ACKR2: variants seen among roughly 807,000 people sequenced by gnomAD.
The protein encoded by ACKR2 is atypical chemokine receptor 2, also known as C-C chemokine receptor D6.
For synonymous variants in ACKR2, 207 were observed against 192.2 expected (o/e 1.08, Z -0.64); for missense variants, 457 against 477.3 (o/e 0.96, Z 0.40).
Position 42,865,706 on chromosome 3 carries a change from G to A in ACKR2, c.*49G>A, listed in dbSNP as rs1559695312. The A allele has an allele frequency of 3.4e-6, 5 of 1,473,590 alleles. No homozygotes were observed. Among genetic ancestry groups the A allele is most frequent in the African/African-American group, 1.4e-5 (1 of 71,680 alleles). The allele number at this position is 1,473,590 out of a possible 1,614,324, so 91.3% of individuals were successfully genotyped here. A position where few individuals can be genotyped will look rare whatever the true frequency, so the allele number is the denominator to read the frequency against. The stretch of plus-strand genomic sequence containing the variant: ...GAACAGATGGGAACCAGCTCAATTG[G>A]GTGTCCACTCAAAGTGCTCTCTCCA... On this transcript the variant is annotated 3_prime_UTR_variant, in exon 3 of 3. Transcript: ENST00000422265.
At chr3:42,818,814 G>A (rs527342731) in intron 1 of ACKR2, among the ~76,000 whole-genome samples, 3 of 152,196 alleles carry the variant, frequency 2.0e-5, no homozygotes, top group Admixed American at 6.5e-5. Flanking sequence ...TGCCCGGCTC[G>A]GCCTCCTAAA....
At chr3:42,845,859 A>G (rs563513371) in intron 2 of ACKR2, among the ~76,000 whole-genome samples, 1 of 151,548 alleles carries the variant, frequency 6.6e-6, no homozygotes, top group Non-Finnish European at 1.5e-5. Context: ...AAAAAAAAAA[A>G]AAAAAAGAAA....
rs772013246 is a variant in ACKR2 at position 42,864,720 on chromosome 3, G to T, written c.218G>T (p.Arg73Leu). The T allele has an allele frequency of 1.2e-6, 2 of 1,614,062 alleles. No homozygotes were observed. The highest frequency in any genetic ancestry group is 1.7e-6 in the Non-Finnish European group (2 of 1,180,054). ...CTCCTTCTTCTCATGGTCTTGCTCC[G>T]TTACGTGCCTCGCAGGCGGATGGTT... is the stretch of plus-strand genomic sequence containing the variant. The part of the protein sequence containing the change: ...GNLLLLMVLL[R>L]YVPRRRMVEI... The change falls in exon 3 of 3, where the codon CGT becomes CTT. Residue 73 changes from arginine (R) to leucine (L), a missense_variant. Physicochemically the swap from Arg to Leu is moderately radical, Grantham distance 102. Transcript: ENST00000422265.
intron 1 of ACKR2, among the ~76,000 whole-genome samples, chr3:42,816,053 A>G (rs544673865): frequency 8.5e-5 from 13 of 152,316 alleles, no homozygotes; most frequent in African/African-American, 2.9e-4. Flanking sequence ...GGGGAGTGTT[A>G]AATGATATAT....
intron 2 of ACKR2, among the ~76,000 whole-genome samples, chr3:42,849,802 G>T (rs149582044): frequency 4.7e-4 from 71 of 152,226 alleles, no homozygotes; most frequent in African/African-American, 1.7e-3. Context: ...ATTCAGTTTG[G>T]TTACAGTTCA....
At chr3:42,848,315 T>C (rs1233160553) in intron 2 of ACKR2, among the ~76,000 whole-genome samples, 1 of 144,602 alleles carries the variant, frequency 6.9e-6, no homozygotes, top group East Asian at 2.2e-4. Flanking sequence ...CTTCCCGGGC[T>C]CAAACAATCC....
At chr3:42,850,292 G>A (rs540535549) in intron 2 of ACKR2, among the ~76,000 whole-genome samples, 3 of 152,112 alleles carry the variant, frequency 2.0e-5, no homozygotes, top group Non-Finnish European at 4.4e-5. Context: ...AAAGGCAAAT[G>A]TCTAAGTCCA....
At chr3:42,838,385 TATGTGAAAA>T (rs1382820582) in intron 2 of ACKR2, among the ~76,000 whole-genome samples, 1 of 152,026 alleles carries the variant, frequency 6.6e-6, no homozygotes, top group Non-Finnish European at 1.5e-5. Context: ...ATGGGCAAAA[TATGTGAAAA>T]AACACTTTCA....
rs966481676 is a variant in ACKR2, at chr3:42,864,453, T to A, written c.-37-13T>A. 1 of 1,537,446 alleles carries A rather than the reference T, an allele frequency of 6.5e-7. No homozygotes were observed. On this transcript the variant is annotated splice_polypyrimidine_tract_variant and intron_variant, in intron 2 of 2. Transcript: ENST00000422265. The stretch of plus-strand genomic sequence containing the variant: ...TAGAGAATGCTAGGTCTCACCATAT[T>A]TTCCCCCCGCAGCACTACAGGACGT...
At chr3:42,845,874 A>T (rs900380331) in intron 2 of ACKR2, among the ~76,000 whole-genome samples, 1 of 151,296 alleles carries the variant, frequency 6.6e-6, no homozygotes, top group Non-Finnish European at 1.5e-5. Context: ...AAGAAAAAAG[A>T]AAAAAAGAAA....
rs1382752069 is a variant in ACKR2, at chr3:42,866,035, G to GGC, written c.*380_*381dup. On this transcript the variant is annotated 3_prime_UTR_variant, in exon 3 of 3. Coordinates refer to ENST00000422265, the MANE Select transcript of ACKR2 (RefSeq NM_001296.5). The stretch of plus-strand genomic sequence containing the variant: ...TCTGTCACCCAGGCTGGAATGCAGT[G>GGC]GCGAGATCTCCGCTCACTGTAGCCT... 5.3e-6 allele frequency: 1 copy of GGC among 188,954 alleles called. No individual in the cohort carries two copies. The highest frequency in any genetic ancestry group is 2.4e-5 in the African/African-American group (1 of 41,992). The allele number at this position is 188,954 out of a possible 1,614,324, so 11.7% of individuals were successfully genotyped here.
chr3:42,821,555 G>A (rs1700809557), intron 2 of ACKR2, among the ~76,000 whole-genome samples: 1 of 152,140 alleles, frequency 6.6e-6, no homozygotes, highest in Non-Finnish European at 1.5e-5. Flanking sequence ...TAGGTAACTT[G>A]CTTGGGTTTC....
chr3:42,863,469 A>G (rs557849337), intron 2 of ACKR2, among the ~76,000 whole-genome samples: 2 of 152,236 alleles, frequency 1.3e-5, no homozygotes, highest in Non-Finnish European at 2.9e-5. Context: ...TCAAGGATCT[A>G]GAACCAGAAA....
intron 2 of ACKR2, among the ~76,000 whole-genome samples, chr3:42,840,918 G>A (rs1211632421): frequency 1.3e-5 from 2 of 152,132 alleles, no homozygotes; most frequent in Non-Finnish European, 2.9e-5. Flanking sequence ...TCGAACTCCT[G>A]ACCTCAGGCA....
chr3:42,832,620 A>C (rs1390514379), intron 2 of ACKR2, among the ~76,000 whole-genome samples: 1 of 152,238 alleles, frequency 6.6e-6, no homozygotes, highest in East Asian at 1.9e-4. Context: ...CCGCATACGG[A>C]ACGCACAGCA....
intron 1 of ACKR2, among the ~76,000 whole-genome samples, chr3:42,812,148 C>T (rs897667390): frequency 4.6e-5 from 7 of 152,176 alleles, no homozygotes; most frequent in South Asian, 2.1e-4. Context: ...TTCCACCTGA[C>T]GAGGAATACC....
chr3:42,843,235 T>C (rs1306638458), intron 2 of ACKR2, among the ~76,000 whole-genome samples: 1 of 151,472 alleles, frequency 6.6e-6, no homozygotes, highest in Non-Finnish European at 1.5e-5. Context: ...CATGCCCAGC[T>C]AATTTTTGTA....
At chr3:42,817,903 A>G (rs996280411) in intron 1 of ACKR2, among the ~76,000 whole-genome samples, 4 of 152,104 alleles carry the variant, frequency 2.6e-5, no homozygotes, top group African/African-American at 9.7e-5. Flanking sequence ...CAGTCTGGTC[A>G]TTCTTTCTTA....
At chr3:42,824,838 A>G (rs1283451215) in intron 2 of ACKR2, among the ~76,000 whole-genome samples, 3 of 152,104 alleles carry the variant, frequency 2.0e-5, no homozygotes, top group Non-Finnish European at 2.9e-5. Context: ...TATGATTTCA[A>G]TTTTCTTGGG....
Sources: gnomAD v4.1 joint callset for allele counts (sites outside exome capture counted in the v4.1 genomes callset) on GRCh38, gnomAD v4.1.1 for gene constraint, MANE v1.5 for transcripts, NCBI Gene and HGNC (gene_info 2026-07-23, HGNC 2026-07-21) for gene names.